The following KLHL18 variants were observed in gnomAD, a reference collection of about 807,000 sequenced individuals.
KLHL18 encodes kelch-like protein 18.
A neutral mutation model predicts 58.5 loss-of-function variants in KLHL18; 38 were observed. That is an observed-to-expected ratio of 0.65 (90% CI 0.50 to 0.85). The LOEUF (loss-of-function observed/expected upper bound fraction) is 0.85, where lower values mean the gene tolerates loss of function less well. Ranked by LOEUF, KLHL18 falls within the 40% of genes least tolerant of loss-of-function variation. The pLI, the probability that KLHL18 is intolerant of heterozygous loss-of-function variation, is 0.00. For synonymous variants in KLHL18, 303 were observed against 301.9 expected (o/e 1.00, Z -0.04); for missense variants, 624 against 778.4 (o/e 0.80, Z 2.36).
At chr3:47,298,697 T>C (rs1179719231) in intron 1 of KLHL18, among the ~76,000 whole-genome samples, 9 of 152,124 alleles carry the variant, frequency 5.9e-5, no homozygotes, top group Admixed American at 5.9e-4. Flanking sequence ...TGTGCCACCT[T>C]TTATAGTCAC....
At chr3:47,308,200 TG>T (rs1349693585) in intron 1 of KLHL18, among the ~76,000 whole-genome samples, 3 of 151,608 alleles carry the variant, frequency 2.0e-5, no homozygotes, top group Non-Finnish European at 4.4e-5. Context: ...CCATGCAGTC[TG>T]GGCACTTAAC....
intron 1 of KLHL18, among the ~76,000 whole-genome samples, chr3:47,298,739 C>G (rs1249687899): frequency 1.3e-5 from 2 of 152,182 alleles, no homozygotes; most frequent in African/African-American, 4.8e-5. Flanking sequence ...CATCTCTAAT[C>G]TCTGGCAACC....
rs1482388785 is a variant in KLHL18 at position 47,282,982 on chromosome 3, C to T, written c.17C>T (p.Ala6Val). 10 of 1,610,678 alleles carry T rather than the reference C, an allele frequency of 6.2e-6. No individual in the cohort carries two copies. The highest frequency in any genetic ancestry group is 2.2e-5 in the East Asian group (1 of 44,732). Reference protein sequence around the residue: MVEDGAEELEDLVHFS... With the variant: MVEDGVEELEDLVHFS... ...CCGGGGAAGATGGTGGAGGACGGCG[C>T]GGAGGAGCTGGAGGATCTGGTGCAC... The change falls in exon 1 of 10, where the codon GCG becomes GTG. Residue 6 changes from alanine to valine, a missense_variant. Physicochemically the swap from Ala to Val is moderately conservative, Grantham distance 64. Coordinates refer to ENST00000232766, the MANE Select transcript of KLHL18 (RefSeq NM_025010.5).
In KLHL18 at chr3:47,340,674, C is replaced by G; in HGVS notation, c.1224C>G (p.Asp408Glu). ...TGGAGACCTACTCACCTGAGACGGACAAGTAAGGACTCCAGCTCCCTTGGG... is the reference window on the plus strand; with the variant it reads ...TGGAGACCTACTCACCTGAGACGGAGAAGTAAGGACTCCAGCTCCCTTGGG... Reference protein sequence around the residue: ...SSVETYSPETDKWTVVTSMSS... With the variant: ...SSVETYSPETEKWTVVTSMSS... Residue 408 changes from aspartate (D) to glutamate (E), a missense_variant and splice_region_variant, in exon 8 of 10, where the codon GAC (aspartate) becomes GAG (glutamate). Transcript: ENST00000232766. 3 of 1,613,908 alleles carry G rather than the reference C, an allele frequency of 1.9e-6. No individual in the cohort carries two copies. Among genetic ancestry groups the G allele is most frequent in the East Asian group, 2.2e-5 (1 of 44,860 alleles).
intron 1 of KLHL18, among the ~76,000 whole-genome samples, chr3:47,316,651 G>GTA (rs71098475): frequency 2.1e-4 from 19 of 92,662 alleles, no homozygotes; most frequent in Admixed American, 4.4e-4. Context: ...ATATGTGTGT[G>GTA]TATATATACA....
chr3:47,327,792 C>T (rs1247841221), intron 3 of KLHL18, among the ~76,000 whole-genome samples: 1 of 152,200 alleles, frequency 6.6e-6, no homozygotes, highest in African/African-American at 2.4e-5. Flanking sequence ...TCCAAGGTAC[C>T]TTGCCCATTC....
chr3:47,308,440 G>C (rs1474489415), intron 1 of KLHL18, among the ~76,000 whole-genome samples: 1 of 152,024 alleles, frequency 6.6e-6, no homozygotes, highest in Non-Finnish European at 1.5e-5. Context: ...CCCCAGGCTG[G>C]AGTGCAATGG....
intron 1 of KLHL18, among the ~76,000 whole-genome samples, chr3:47,288,879 C>G (rs1702733262): frequency 6.6e-6 from 1 of 152,188 alleles, no homozygotes; most frequent in South Asian, 2.1e-4. Flanking sequence ...CGCTCTCATC[C>G]CTTCTTCCCA....
intron 7 of KLHL18, chr3:47,338,648 C>G (rs909693385): frequency 3.3e-5 from 5 of 152,132 alleles, no homozygotes; most frequent in African/African-American, 1.2e-4. Flanking sequence ...ATGGTGAAAC[C>G]CTGTCTTTAC....
chr3:47,297,346 C>G (rs142181419), intron 1 of KLHL18, among the ~76,000 whole-genome samples: 1 of 152,146 alleles, frequency 6.6e-6, no homozygotes, highest in African/African-American at 2.4e-5. Context: ...TCTCTCTGTC[C>G]GTATTCTAGG....
rs1704176004 is a variant in KLHL18 at position 47,344,156 on chromosome 3, GCTC to G, written c.*219_*221del. 2 of 593,314 alleles carry G rather than the reference GCTC, an allele frequency of 3.4e-6. No homozygotes were observed. Among genetic ancestry groups the G allele is most frequent in the African/African-American group, 3.7e-5 (2 of 53,656 alleles). 36.8% of individuals were successfully genotyped at this position (593,314 alleles called of 1,614,324 possible). On this transcript the variant is annotated 3_prime_UTR_variant, in exon 10 of 10. Transcript: ENST00000232766. The stretch of plus-strand genomic sequence containing the variant: ...TCAAGATGCACAGCATGGAACACAA[GCTC>G]CTCTGGATCCTGCAGCTGGTGACAT...
Position 47,334,964 on chromosome 3 carries a change from G to C in KLHL18, c.898+145G>C. On this transcript the variant is annotated intron_variant, in intron 6 of 9. Transcript: ENST00000232766. This position sits in a 1 kb window ranked among gnomAD's most constrained non-coding sequence, Gnocchi z 4.7. The stretch of plus-strand genomic sequence containing the variant: ...CTTGATTTTATACAATTGCTCTACA[G>C]TTAGAGCATGTCACATATTCATGCC... 2.7e-5 allele frequency: 21 copies of C among 778,962 alleles called. No homozygotes were observed. The highest frequency in any genetic ancestry group is 3.6e-5 in the Non-Finnish European group (18 of 495,916). 48.3% of individuals were successfully genotyped at this position (778,962 alleles called of 1,614,324 possible).
intron 1 of KLHL18, among the ~76,000 whole-genome samples, chr3:47,309,883 G>T (rs1453197110): frequency 6.6e-6 from 1 of 152,002 alleles, no homozygotes; most frequent in African/African-American, 2.4e-5. Flanking sequence ...CGCCTGCACT[G>T]GGCAGGCTGA....
rs184977126 is a variant in KLHL18 at position 47,335,913 on chromosome 3, G to A, written c.899-622G>A. Among the ~76,000 whole-genome samples, 366 of 152,268 alleles carry A rather than the reference G, an allele frequency of 2.4e-3. 2 individuals carry two copies. Among genetic ancestry groups the A allele is most frequent in the Middle Eastern group, 0.01 (3 of 294 alleles). On this transcript the variant is annotated intron_variant, in intron 6 of 9. Transcript: ENST00000232766. ...TCCTCAACTCAGTGCACGCTGGAGCGGCGTGCAAATGAAATGCTAAGTGCC... is the reference window on the plus strand; with the variant it reads ...TCCTCAACTCAGTGCACGCTGGAGCAGCGTGCAAATGAAATGCTAAGTGCC...
chr3:47,317,527 CAG>C (rs949443030), intron 1 of KLHL18, among the ~76,000 whole-genome samples: 1 of 152,050 alleles, frequency 6.6e-6, no homozygotes, highest in Non-Finnish European at 1.5e-5. Context: ...GGAAGAGTTC[CAG>C]TAGATAATGT....
intron 1 of KLHL18, among the ~76,000 whole-genome samples, chr3:47,288,430 C>T (rs1252273906): frequency 1.3e-5 from 2 of 152,034 alleles, no homozygotes; most frequent in African/African-American, 2.4e-5. Flanking sequence ...CTGTCACTGA[C>T]GGTAAATGAA....
At chr3:47,329,035 A>C (rs1413476560) in intron 3 of KLHL18, among the ~76,000 whole-genome samples, 1 of 151,834 alleles carries the variant, frequency 6.6e-6, no homozygotes, top group Non-Finnish European at 1.5e-5. Context: ...GGGCTGAGGC[A>C]GGAGGATCGC....
At chr3:47,287,787 T>C (rs1351000582) in intron 1 of KLHL18, among the ~76,000 whole-genome samples, 1 of 152,140 alleles carries the variant, frequency 6.6e-6, no homozygotes, top group Non-Finnish European at 1.5e-5. Flanking sequence ...GCCCGGCCAG[T>C]AGTATATATT....
chr3:47,334,156 G>A lies in KLHL18; in HGVS notation c.762-527G>A, dbSNP rs943563471. ...AGGGCCCAGTGACCAGCGGTCTCAA[G>A]GGTGCTGTTGAGGAGTTTGGACTTT... On this transcript the variant is annotated intron_variant, in intron 5 of 9. Coordinates refer to ENST00000232766, the MANE Select transcript of KLHL18 (RefSeq NM_025010.5). This position sits in a 1 kb window ranked among gnomAD's most constrained non-coding sequence, Gnocchi z 4.7. 1.3e-5 allele frequency among the ~76,000 whole-genome samples: 2 copies of A among 152,142 alleles called. No homozygotes were observed. The highest frequency in any genetic ancestry group is 4.8e-5 in the African/African-American group (2 of 41,430).
Sources: allele counts gnomAD v4.1 joint callset (sites outside exome capture counted in the v4.1 genomes callset), GRCh38; gene constraint gnomAD v4.1.1; non-coding constraint Gnocchi (gnomAD v3.1); transcripts MANE v1.5; gene names NCBI Gene and HGNC (gene_info 2026-07-23, HGNC 2026-07-21).